The following ZNF263 variants were observed in gnomAD, a reference collection of about 807,000 sequenced individuals.
The protein encoded by ZNF263 is zinc finger protein FPM315.
A neutral mutation model predicts 63.1 loss-of-function variants in ZNF263; 49 were observed. The ratio of observed to expected loss-of-function variants is 0.78; its 90% CI spans 0.62 to 0.99. The LOEUF (loss-of-function observed/expected upper bound fraction) is 0.99. ZNF263 is among the 50% of genes least tolerant of loss of function. The pLI, the probability that ZNF263 is intolerant of heterozygous loss-of-function variation, is 0.00. For synonymous variants in ZNF263, 352 were observed against 324.2 expected, an observed-to-expected ratio of 1.09 and a Z score of -0.92; for missense variants, 872 against 854.8, an observed-to-expected ratio of 1.02 and a Z score of -0.25.
At chr16:3,286,364 C>T (rs1959358845) in intron 4 of ZNF263, 1 of 559,942 alleles carries the variant, frequency 1.8e-6, no homozygotes, top group Non-Finnish European at 2.9e-6. Flanking sequence ...GCTGCCAGAG[C>T]CTAAGGCGAG....
intron 1 of ZNF263, chr16:3,298,799 A>C: frequency 2.6e-6 from 1 of 391,832 alleles, no homozygotes. Context: ...TATGAAACAC[A>C]AATTTAAATA....
In ZNF263 at chr16:3,285,054, C is replaced by T. The variant is rs1222874278; in HGVS notation, c.388-5C>T. ...TGATGATGAGTGATGTGGGTTGGTT[C>T]CCAGGTCACAAACCATGGGCGGGGA... On this transcript the variant is annotated splice_region_variant and splice_polypyrimidine_tract_variant and intron_variant, in intron 1 of 5. Coordinates refer to ENST00000219069, the MANE Select transcript of ZNF263 (RefSeq NM_005741.5). 6.2e-7 allele frequency: 1 copy of T among 1,613,908 alleles called. No homozygotes were observed. The highest frequency in any genetic ancestry group is 1.7e-5 in the Admixed American group (1 of 60,020).
downstream of ZNF263, chr16:3,293,088 G>A (rs559895980): frequency 6.6e-6 from 1 of 152,296 alleles, no homozygotes; most frequent in East Asian, 1.9e-4. Context: ...GGTCTGATAC[G>A]GTTCGGCTCT....
At chr16:3,286,691 C>T (rs1959371676) in intron 4 of ZNF263, 1 of 152,342 alleles carries the variant, frequency 6.6e-6, no homozygotes. Context: ...CAAAGTAGGC[C>T]ATATCATAAA....
At chr16:3,299,736 TAACAA>T in intron 2 of ZNF263, 1 of 1,541,172 alleles carries the variant, frequency 6.5e-7, no homozygotes, top group South Asian at 1.3e-5. Flanking sequence ...TGTCCAGAAG[TAACAA>T]TGCCCTGACG....
rs541895788 is a variant in ZNF263, at chr16:3,289,612, C to T, written c.1106C>T (p.Pro369Leu). Residue 369 changes from proline (P) to leucine (L), a missense_variant, in exon 6 of 6, where the codon CCG (proline) becomes CTG (leucine). Physicochemically the swap from Pro to Leu is moderately conservative, Grantham distance 98 (BLOSUM62 -3). Coordinates refer to ENST00000219069, the MANE Select transcript of ZNF263 (RefSeq NM_005741.5). ...TCAAGTGGCAGAGAACTGGGGCGAC[C>T]GAAGGAACTGCAGCCAAAGAAACTC... ...GASSGRELGR[P>L]KELQPKKLHL... The T allele has an allele frequency of 2.3e-5, 37 of 1,614,096 alleles. No homozygotes were observed. Among genetic ancestry groups the T allele is most frequent in the South Asian group, 1.2e-4 (11 of 91,080 alleles).
chr16:3,293,184 G>C (rs1169119610), downstream of ZNF263: 1 of 152,286 alleles, frequency 6.6e-6, no homozygotes, highest in South Asian at 2.1e-4. Flanking sequence ...TCATGGGGAC[G>C]GTTTTCCCCT....
chr16:3,285,746 G>A lies in ZNF263; in HGVS notation c.634G>A (p.Gly212Arg). 6.2e-7 allele frequency: 1 copy of A among 1,614,058 alleles called. No individual in the cohort carries two copies. Among genetic ancestry groups the A allele is most frequent in the Non-Finnish European group, 8.5e-7 (1 of 1,179,992 alleles). ...GAACATGGAAGACAAGGAGATGACTGGGCCCCAGGTGATGTGGAAGTTTCC... is the reference window on the plus strand; with the variant it reads ...GAACATGGAAGACAAGGAGATGACTAGGCCCCAGGTGATGTGGAAGTTTCC... The part of the protein sequence containing the change: ...EGNMEDKEMT[G>R]PQLPESLEDV... The change falls in exon 3 of 6, where the codon GGG becomes AGG. Residue 212 changes from glycine (G) to arginine (R), a missense_variant. Physicochemically the swap from Gly to Arg is moderately radical, Grantham distance 125. Coordinates refer to ENST00000219069, the MANE Select transcript of ZNF263 (RefSeq NM_005741.5).
At chr16:3,299,981 C>A (rs1474567298) in intron 2 of ZNF263, 2 of 1,613,942 alleles carry the variant, frequency 1.2e-6, no homozygotes, top group Admixed American at 3.3e-5. Context: ...CATAAAAAGG[C>A]AGACAACCTT....
At position 3,283,639 on chromosome 16, in the gene ZNF263, A is replaced by C. The variant is rs2150770867; in HGVS notation, c.-180A>C. 1.0e-6 allele frequency: 1 copy of C among 983,866 alleles called. No individual in the cohort carries two copies. Among genetic ancestry groups the C allele is most frequent in the Non-Finnish European group, 1.3e-6 (1 of 753,376 alleles). The allele number at this position is 983,866 out of a possible 1,614,324, so 60.9% of individuals were successfully genotyped here. ...CGGGGCCGGCGTGGCGGCGCCTGGG[A>C]CCGACTGAGGCCTAGGCGCCGGAGC... On this transcript the variant is annotated 5_prime_UTR_variant, in exon 1 of 6. Transcript: ENST00000219069.
rs1453486540 is a variant in ZNF263 at position 3,283,882 on chromosome 16, T to C, written c.64T>C (p.Cys22Arg). The change falls in exon 1 of 6, where the codon TGC becomes CGC. Residue 22 changes from cysteine (C) to arginine (R), a missense_variant. Coordinates refer to ENST00000219069, the MANE Select transcript of ZNF263 (RefSeq NM_005741.5). ...CCTGATAGTGAAGCTGGAGGAGGAC[T>C]GCGCCTGGAGCCAGGAGCTGCCCCC... is the stretch of plus-strand genomic sequence containing the variant. Reference protein sequence around the residue: ...GLLIVKLEEDCAWSQELPPPD... With the variant: ...GLLIVKLEEDRAWSQELPPPD... 1 of 1,609,612 alleles carries C rather than the reference T, an allele frequency of 6.2e-7. No homozygotes were observed. Among genetic ancestry groups the C allele is most frequent in the Non-Finnish European group, 8.5e-7 (1 of 1,178,428 alleles).
intron 2 of ZNF263, chr16:3,299,404 T>C: frequency 6.4e-7 from 1 of 1,555,682 alleles, no homozygotes; most frequent in Non-Finnish European, 8.7e-7. Flanking sequence ...TTCCTTTTTG[T>C]AAAGAAGATT....
intron 1 of ZNF263, chr16:3,298,964 T>C: frequency 1.6e-6 from 2 of 1,216,590 alleles, no homozygotes; most frequent in Non-Finnish European, 2.1e-6. Context: ...AAACACAAAA[T>C]CTAATGATTA....
intron 2 of ZNF263, chr16:3,300,023 T>C (rs747795559): frequency 1.2e-6 from 2 of 1,614,122 alleles, no homozygotes; most frequent in African/African-American, 1.3e-5. Flanking sequence ...GGTAGGCAGA[T>C]ATCTTTCCTA....
chr16:3,290,693 G>A lies in ZNF263; in HGVS notation c.*135G>A. ...GGTAATGGGGGCTCATTGTGAGGGA[G>A]GTGCAGAGGCAGCAGAGGATTGGCA... On this transcript the variant is annotated 3_prime_UTR_variant, in exon 6 of 6. Transcript: ENST00000219069. 6.9e-7 allele frequency: 1 copy of A among 1,441,774 alleles called. No individual in the cohort carries two copies. Among genetic ancestry groups the A allele is most frequent in the East Asian group, 2.5e-5 (1 of 40,604 alleles). 89.3% of individuals were successfully genotyped at this position (1,441,774 alleles called of 1,614,324 possible).
At chr16:3,286,365 C>A (rs1429911399) in intron 4 of ZNF263, 1 of 553,006 alleles carries the variant, frequency 1.8e-6, no homozygotes, top group Non-Finnish European at 2.9e-6. Context: ...CTGCCAGAGC[C>A]TAAGGCGAGT....
intron 1 of ZNF263, 62 bp from the exon 2 acceptor site, chr16:3,284,997 A>C: frequency 6.3e-7 from 1 of 1,590,192 alleles, no homozygotes. Flanking sequence ...TCAGTATCCT[A>C]TACTAATTTC....
chr16:3,291,983 G>C (rs1245938570), downstream of ZNF263, among the ~76,000 whole-genome samples: 1 of 152,140 alleles, frequency 6.6e-6, no homozygotes, highest in Non-Finnish European at 1.5e-5. Flanking sequence ...TATTTGCCCA[G>C]GCTGGTCTTG....
rs2107216 is a variant in ZNF263, at chr16:3,300,686, A to C, written c.*47-227A>C. 27,639 of 1,511,054 alleles carry C rather than the reference A, an allele frequency of 0.018. 1,977 individuals are homozygous for C. The African/African-American group carries it at 0.22, about 12-fold the overall frequency. 93.6% of individuals were successfully genotyped at this position (1,511,054 alleles called of 1,614,324 possible). ...GCCTTAATGAATTGGCAAAAAAAAA[A>C]CCCACATTTTTTAAACAAAACTTAG... On this transcript the variant is annotated intron_variant, in intron 2 of 2. Coordinates refer to the ZNF263 transcript ENST00000574674.
Sources: allele counts gnomAD v4.1 joint callset (sites outside exome capture counted in the v4.1 genomes callset), GRCh38; gene constraint gnomAD v4.1.1; transcripts MANE v1.5; gene names NCBI Gene and HGNC (gene_info 2026-07-23, HGNC 2026-07-21).